The following ASPSCR1 variants were observed in gnomAD, a reference collection of about 807,000 sequenced individuals.
The protein encoded by ASPSCR1 is ASPSCR1 tether for SLC2A4, UBX domain containing.
Under a neutral mutation model 68.9 loss-of-function variants are expected in ASPSCR1, and 55 were observed. The observed-to-expected ratio is 0.80, with a 90% CI of 0.64 to 1.00. ASPSCR1 has a LOEUF of 1.00. ASPSCR1 is among the 50% of genes least tolerant of loss of function. The probability of loss-of-function intolerance (pLI) is 0.00; values close to 1 mark genes in which losing one functional copy is unlikely to be tolerated. For synonymous variants in ASPSCR1, 352 were observed against 332.6 expected (o/e 1.06, Z -0.63); for missense variants, 765 against 762.2 (o/e 1.00, Z -0.04).
intron 6 of ASPSCR1, 43 bp downstream of exon 6, chr17:81,996,108 A>C: frequency 6.5e-7 from 1 of 1,534,606 alleles, no homozygotes; most frequent in Non-Finnish European, 8.8e-7. Flanking sequence ...ATTTAGCTAA[A>C]AAAAAAAGTG....
chr17:81,977,759 C>G lies in ASPSCR1; in HGVS notation c.102+11C>G. ...ACCGTGCTGCTTCAGGTGCGGCCGCCCGCCCGGGGCGGACGGGTAGGCGGG... is the reference window on the plus strand; with the variant it reads ...ACCGTGCTGCTTCAGGTGCGGCCGCGCGCCCGGGGCGGACGGGTAGGCGGG... On this transcript the variant is annotated intron_variant, in intron 1 of 15. Transcript: ENST00000306739. This position sits in a 1 kb window ranked among gnomAD's most constrained non-coding sequence, Gnocchi z 5.0. 2 of 1,224,916 alleles carry G rather than the reference C, an allele frequency of 1.6e-6. No individual in the cohort carries two copies. Among genetic ancestry groups the G allele is most frequent in the Non-Finnish European group, 2.0e-6 (2 of 982,246 alleles). The allele number at this position is 1,224,916 out of a possible 1,614,324, so 75.9% of individuals were successfully genotyped here. A position where few individuals can be genotyped will look rare whatever the true frequency, so the allele number is the denominator to read the frequency against.
chr17:82,016,896 C>A (rs1328834469), intron 14 of ASPSCR1, 27 bp downstream of exon 14: 1 of 1,612,222 alleles, frequency 6.2e-7, no homozygotes. Flanking sequence ...CTGGGGGCAC[C>A]TCCCGTGGCG....
intron 1 of ASPSCR1, chr17:81,978,830 G>T (rs2041701140): frequency 5.8e-6 from 2 of 347,404 alleles, no homozygotes; most frequent in African/African-American, 2.1e-5. Context: ...CCAGAGCCAG[G>T]GGGTAGCTTG....
At chr17:82,006,435 C>G (rs951075210) in intron 7 of ASPSCR1, 1 of 152,210 alleles carries the variant, frequency 6.6e-6, no homozygotes, top group African/African-American at 2.4e-5. Flanking sequence ...GCCGAATGAT[C>G]ACATCTGCAT....
Position 82,016,373 on chromosome 17 carries a change from T to TAC in ASPSCR1, c.1354-103_1354-102insAC, listed in dbSNP as rs1423579134. The TAC allele has an allele frequency of 3.7e-6, 4 of 1,069,420 alleles. No individual in the cohort carries two copies. In the East Asian group the frequency reaches 1.0e-4, roughly 28 times the overall value. 66.2% of individuals were successfully genotyped at this position (1,069,420 alleles called of 1,614,324 possible). ...ATGGGGGCCGGGCAGGCAGAGCCTGTCTGAGGGTGGAGCTGGGGCCTGGCC... is the reference window on the plus strand; with the variant it reads ...ATGGGGGCCGGGCAGGCAGAGCCTGTACCTGAGGGTGGAGCTGGGGCCTGGCC... On this transcript the variant is annotated intron_variant, in intron 12 of 15. Transcript: ENST00000306739.
At chr17:81,993,803 CT>C (rs1319786025) in intron 4 of ASPSCR1, among the ~76,000 whole-genome samples, 3 of 152,270 alleles carry the variant, frequency 2.0e-5, no homozygotes, top group Non-Finnish European at 4.4e-5. Context: ...CCAGCTCAGC[CT>C]GTGTCTTCCT....
rs763116176 is a variant in ASPSCR1, at chr17:82,003,106, C to T, written c.934-5931C>T. Among the ~76,000 whole-genome samples, 4 of 152,172 alleles carry T rather than the reference C, an allele frequency of 2.6e-5. No individual in the cohort carries two copies. The East Asian group carries it at 5.8e-4, about 22-fold the overall frequency. ...TAGGTGGTCTGCCGGCCTTGGCCTC[C>T]GAAAGAGCTGGCATTACAGGCGTGA... On this transcript the variant is annotated intron_variant, in intron 7 of 15. Transcript: ENST00000306739.
At chr17:81,994,081 A>G (rs1481557090) in intron 4 of ASPSCR1, among the ~76,000 whole-genome samples, 1 of 152,250 alleles carries the variant, frequency 6.6e-6, no homozygotes, top group African/African-American at 2.4e-5. Context: ...TGCCACCAGC[A>G]GTTCACATGC....
At chr17:82,014,879 A>C (rs2043069353) in intron 12 of ASPSCR1, 1 of 690,632 alleles carries the variant, frequency 1.4e-6, no homozygotes, top group Non-Finnish European at 2.4e-6. Context: ...GGCCGGCTCC[A>C]GGCCCTCAGG....
chr17:81,994,299 C>T (rs549999060), intron 4 of ASPSCR1, among the ~76,000 whole-genome samples: 5 of 152,334 alleles, frequency 3.3e-5, no homozygotes, highest in East Asian at 3.9e-4. Context: ...CGGGCGTGAG[C>T]GGAGTGCAGC....
chr17:81,977,711 A>G lies in ASPSCR1; in HGVS notation c.65A>G (p.His22Arg). The G allele has an allele frequency of 7.4e-7, 1 of 1,353,130 alleles. No individual in the cohort carries two copies. The highest frequency in any genetic ancestry group is 3.2e-5 in the East Asian group (1 of 31,716). The allele number at this position is 1,353,130 out of a possible 1,614,324, so 83.8% of individuals were successfully genotyped here. The change falls in exon 1 of 16, where the codon CAC (histidine) becomes CGC (arginine). Residue 22 changes from histidine (H) to arginine (R), a missense_variant. By Grantham distance (29) the His-to-Arg change is conservative. Transcript: ENST00000306739. The surrounding 1 kb of genome is among the most constrained non-coding windows in gnomAD (Gnocchi z 5.0). Reference protein sequence around the residue: ...VSVLAPNGRRHTVKVTPSTVL... With the variant: ...VSVLAPNGRRRTVKVTPSTVL... Reference sequence around the variant, plus strand: ...GTGCTGGCCCCGAACGGCCGGCGCCACACGGTGAAGGTGACGCCGAGCACC... The same window carrying G: ...GTGCTGGCCCCGAACGGCCGGCGCCGCACGGTGAAGGTGACGCCGAGCACC...
intron 4 of ASPSCR1, among the ~76,000 whole-genome samples, chr17:81,992,400 C>G (rs1443924303): frequency 1.3e-5 from 2 of 152,214 alleles, no homozygotes; most frequent in Non-Finnish European, 2.9e-5. Context: ...CTGGAGGAGC[C>G]GCACATCAAA....
intron 12 of ASPSCR1, 148 bp downstream of exon 12, chr17:82,012,431 G>T (rs1298693682): frequency 1.3e-5 from 12 of 928,270 alleles, no homozygotes; most frequent in Non-Finnish European, 1.4e-5. Context: ...TTCCGAGGGG[G>T]CCGTGCGCCT....
In ASPSCR1 at chr17:81,985,143, T is replaced by C. The variant is rs554550680; in HGVS notation, c.274-364T>C. On this transcript the variant is annotated intron_variant, in intron 3 of 15. Transcript: ENST00000306739. ...ATGTAAACATGCACACACACGCACA[T>C]CTGCACGCACATGCGCACACCTGCA... 8.0e-4 allele frequency among the ~76,000 whole-genome samples: 105 copies of C among 130,990 alleles called. 2 individuals are homozygous for C. In the South Asian group the frequency reaches 0.023, roughly 29 times the overall value. The allele number at this position is 130,990 out of a possible 152,430, so 85.9% of individuals were successfully genotyped here.
chr17:81,979,004 T>G (rs1022925138), intron 1 of ASPSCR1, among the ~76,000 whole-genome samples, 180 bp from the exon 2 acceptor site: 3 of 152,082 alleles, frequency 2.0e-5, no homozygotes, highest in Non-Finnish European at 4.4e-5. Flanking sequence ...GTGGACAGGA[T>G]TTGCAGGTGA....
At chr17:81,985,878 TC>T (rs1238382544) in intron 4 of ASPSCR1, among the ~76,000 whole-genome samples, 1 of 151,982 alleles carries the variant, frequency 6.6e-6, no homozygotes, top group African/African-American at 2.4e-5. Flanking sequence ...TGTGCTTCTG[TC>T]CTTGTGGGGG....
At position 81,999,240 on chromosome 17, in the gene ASPSCR1, G is replaced by T. The variant is rs2042450667; in HGVS notation, c.933+2394G>T. On this transcript the variant is annotated intron_variant, in intron 7 of 15. Coordinates refer to ENST00000306739, the MANE Select transcript of ASPSCR1 (RefSeq NM_024083.4). The surrounding 1 kb of genome is among the most constrained non-coding windows in gnomAD (Gnocchi z 4.4). ...GCCAGGCTGCCAGCTGCCAGCCACAGCCCAGGGGCCAGGTCAGAGCTTCTT... is the reference window on the plus strand; with the variant it reads ...GCCAGGCTGCCAGCTGCCAGCCACATCCCAGGGGCCAGGTCAGAGCTTCTT... 6.6e-6 allele frequency among the ~76,000 whole-genome samples: 1 copy of T among 152,232 alleles called. No individual in the cohort carries two copies. The highest frequency in any genetic ancestry group is 1.5e-5 in the Non-Finnish European group (1 of 68,038).
At position 81,983,572 on chromosome 17, in the gene ASPSCR1, C is replaced by G. The variant is rs373929219; in HGVS notation, c.177C>G (p.Leu59=). 6.2e-7 allele frequency: 1 copy of G among 1,612,822 alleles called. No homozygotes were observed. The change falls in exon 3 of 16, where the codon CTC becomes CTG. Residue 59 remains leucine (L), a synonymous_variant. Transcript: ENST00000306739. The surrounding 1 kb of genome is among the most constrained non-coding windows in gnomAD (Gnocchi z 4.4). The part of the protein sequence containing the change: ...EYDLKFQRSV[L]DLSLQWRFAN... ...CTTGCAGGTTTCAGAGGAGCGTGCT[C>G]GACCTTTCTCTCCAGTGGAGATTTG...
chr17:81,998,097 G>T (rs1309054547), intron 7 of ASPSCR1, among the ~76,000 whole-genome samples: 3 of 152,080 alleles, frequency 2.0e-5, no homozygotes, highest in Non-Finnish European at 4.4e-5. Flanking sequence ...AAAGTGCTGG[G>T]ATTACAGGCT....
Sources: allele counts gnomAD v4.1 joint callset (sites outside exome capture counted in the v4.1 genomes callset), GRCh38; gene constraint gnomAD v4.1.1; non-coding constraint Gnocchi (gnomAD v3.1); transcripts MANE v1.5; gene names NCBI Gene and HGNC (gene_info 2026-07-23, HGNC 2026-07-21).